The following DNAH8 variants were observed in gnomAD, a reference collection of about 807,000 sequenced individuals.
DNAH8 encodes axonemal beta dynein heavy chain 8.
A neutral mutation model predicts 562.1 loss-of-function variants in DNAH8; 382 were observed. That is an observed-to-expected ratio of 0.68 (90% CI 0.63 to 0.74). The LOEUF (loss-of-function observed/expected upper bound fraction) is 0.74. DNAH8 is among the 30% of genes least tolerant of loss of function. The pLI is 0.00. For missense variants in DNAH8, 5,203 were observed against 5,620.4 expected, an observed-to-expected ratio of 0.93 and a Z score of 2.37; for synonymous variants, 1,881 against 1,919.4, an observed-to-expected ratio of 0.98 and a Z score of 0.52.
In DNAH8 at chr6:38,938,993, A is replaced by AGT; in HGVS notation, c.12007+11_12007+12dup. 1 of 1,611,248 alleles carries AGT rather than the reference A, an allele frequency of 6.2e-7. No homozygotes were observed. The highest frequency in any genetic ancestry group is 8.5e-7 in the Non-Finnish European group (1 of 1,178,186). On this transcript the variant is annotated splice_donor_region_variant and intron_variant, in intron 79 of 92. Coordinates refer to ENST00000327475, the MANE Select transcript of DNAH8 (RefSeq NM_001206927.2). ...AGTTTCAAGCTCTCATTAAAGGTAA[A>AGT]GTGTGTGGGATACAGATGTGGTGTG...
chr6:38,934,096 T>C (rs996761309), intron 76 of DNAH8, among the ~76,000 whole-genome samples: 1 of 152,172 alleles, frequency 6.6e-6, no homozygotes, highest in African/African-American at 2.4e-5. Context: ...CTCACCCCTG[T>C]ATTCCTAGCA....
intron 23 of DNAH8, 63 bp downstream of exon 23, chr6:38,805,659 C>A (rs1771206267): frequency 2.3e-6 from 2 of 884,014 alleles, no homozygotes; most frequent in African/African-American, 1.7e-5. Context: ...TTATAGATAA[C>A]CCCATATGGT....
chr6:38,791,824 T>C lies in DNAH8; in HGVS notation c.2901+150T>C, dbSNP rs1769778035. On this transcript the variant is annotated intron_variant, in intron 21 of 92. Transcript: ENST00000327475. The stretch of plus-strand genomic sequence containing the variant: ...TGAACATTCTCTGCTCCAAGGACTT[T>C]CATGCCTTCAATAGCAAGAGCCCTG... 3.2e-5 allele frequency: 24 copies of C among 746,404 alleles called. No individual in the cohort carries two copies. In the South Asian group the frequency reaches 4.0e-4, roughly 13 times the overall value. 46.2% of individuals were successfully genotyped at this position (746,404 alleles called of 1,614,324 possible).
At chr6:38,820,718 A>G (rs1447666411) in intron 26 of DNAH8, among the ~76,000 whole-genome samples, 2 of 152,196 alleles carry the variant, frequency 1.3e-5, no homozygotes, top group South Asian at 2.1e-4. Context: ...GGTTGGTTTA[A>G]CATCCTAAAA....
intron 44 of DNAH8, 63 bp from the exon 45 acceptor site, chr6:38,863,810 G>T (rs928171858): frequency 2.9e-6 from 4 of 1,365,462 alleles, no homozygotes; most frequent in African/African-American, 1.5e-5. Flanking sequence ...CTGGAGAAAT[G>T]ATTGTTATCA....
At chr6:38,890,906 A>G in intron 58 of DNAH8, 145 bp downstream of exon 58, 1 of 609,030 alleles carries the variant, frequency 1.6e-6, no homozygotes, top group East Asian at 2.8e-5. Flanking sequence ...TAGATTTACA[A>G]CACCTTTTCC....
intron 81 of DNAH8, 135 bp from the exon 82 acceptor site, chr6:38,951,183 C>T: frequency 1.3e-6 from 1 of 744,526 alleles, no homozygotes; most frequent in East Asian, 2.6e-5. Flanking sequence ...CCTTGCCATT[C>T]CTCTTACTTA....
chr6:38,917,973 G>T lies in DNAH8; in HGVS notation c.10357G>T (p.Asp3453Tyr). The change falls in exon 70 of 93, where the codon GAC becomes TAC. Residue 3453 changes from aspartate (D) to tyrosine (Y), a missense_variant. Transcript: ENST00000327475. ...GTGGAGCCTTCAGCAGTTCCCTAAGGACACTATAAATGAAGAGACTGTTGA... is the reference window on the plus strand; with the variant it reads ...GTGGAGCCTTCAGCAGTTCCCTAAGTACACTATAAATGAAGAGACTGTTGA... ...FLWSLQQFPK[D>Y]TINEETVELL... 6.2e-7 allele frequency: 1 copy of T among 1,613,696 alleles called. No individual in the cohort carries two copies. The highest frequency in any genetic ancestry group is 8.5e-7 in the Non-Finnish European group (1 of 1,179,832).
At chr6:39,006,970 C>G (rs1442665094) in intron 88 of DNAH8, among the ~76,000 whole-genome samples, 3 of 152,208 alleles carry the variant, frequency 2.0e-5, no homozygotes, top group Non-Finnish European at 4.4e-5. Context: ...ACTATCCAAA[C>G]AGAAACTCAA....
rs114719419 is a variant in DNAH8, at chr6:38,872,997, G to T, written c.7329G>T (p.Thr2443=). The T allele has an allele frequency of 6.2e-6, 10 of 1,614,022 alleles. No homozygotes were observed. Among genetic ancestry groups the T allele is most frequent in the Non-Finnish European group, 8.5e-6 (10 of 1,180,004 alleles). The change falls in exon 51 of 93, where the codon ACG becomes ACT. Residue 2443 remains threonine, a synonymous_variant. Coordinates refer to ENST00000327475, the MANE Select transcript of DNAH8 (RefSeq NM_001206927.2). ...NSVLDDNKTL[T]LANGDRIPMA... is the part of the protein sequence containing the mutation. ...TTTTGGATGACAATAAAACTCTGAC[G>T]TTAGCTAATGGAGATCGCATTCCCA...
rs754287316 is a variant in DNAH8, at chr6:38,908,001, G to C, written c.9394G>C (p.Gly3132Arg). 9.9e-6 allele frequency: 16 copies of C among 1,611,480 alleles called. No homozygotes were observed. The highest frequency in any genetic ancestry group is 1.4e-5 in the Non-Finnish European group (16 of 1,179,016). ...AGATGAGATGGATGAAATCACCCAA[G>C]GTCTGATTTCAGTGATGAAGAGGGA... ...ARDEMDEITQ[G>R]LISVMKRELP... The change falls in exon 64 of 93, where the codon GGT becomes CGT. Residue 3132 changes from glycine to arginine, a missense_variant. Gly to Arg is a moderately radical substitution (Grantham distance 125). Transcript: ENST00000327475.
At chr6:38,776,344 A>G (rs562426487) in intron 13 of DNAH8, among the ~76,000 whole-genome samples, 19 of 152,036 alleles carry the variant, frequency 1.2e-4, no homozygotes, top group Admixed American at 7.9e-4. Context: ...CAGCCTCCCA[A>G]GTAACTGGGA....
At chr6:38,963,079 T>C (rs917664886) in intron 82 of DNAH8, among the ~76,000 whole-genome samples, 2 of 151,956 alleles carry the variant, frequency 1.3e-5, no homozygotes, top group Non-Finnish European at 2.9e-5. Context: ...ACTAAAAATC[T>C]TATTCATGCA....
chr6:38,728,722 G>A (rs1763426661), intron 3 of DNAH8, among the ~76,000 whole-genome samples: 3 of 152,118 alleles, frequency 2.0e-5, no homozygotes, highest in South Asian at 4.2e-4. Context: ...CCAGGGTGGT[G>A]GTTCTCAAAT....
intron 6 of DNAH8, 102 bp from the exon 7 acceptor site, chr6:38,737,707 T>C: frequency 4.1e-6 from 2 of 491,406 alleles, no homozygotes; most frequent in South Asian, 1.5e-4. Context: ...CACATTGACA[T>C]TAAATACTTC....
chr6:38,806,732 G>A (rs1157252959), intron 23 of DNAH8, among the ~76,000 whole-genome samples: 2 of 151,878 alleles, frequency 1.3e-5, no homozygotes, highest in African/African-American at 4.8e-5. Context: ...AGTGAGCCGA[G>A]ATCGCGCCAC....
chr6:39,015,150 CAA>C (rs1477071548), intron 91 of DNAH8, among the ~76,000 whole-genome samples: 1 of 152,214 alleles, frequency 6.6e-6, no homozygotes, highest in East Asian at 1.9e-4. Flanking sequence ...CAATGATTTT[CAA>C]AAGTGTGAGG....
At chr6:38,769,743 T>C (rs1205942702) in intron 11 of DNAH8, among the ~76,000 whole-genome samples, 2 of 152,216 alleles carry the variant, frequency 1.3e-5, no homozygotes, top group African/African-American at 2.4e-5. Flanking sequence ...GTTTAAGGGT[T>C]CTTATGTGGG....
At chr6:38,722,682 T>C (rs900610565) in intron 1 of DNAH8, 94 bp from the exon 2 acceptor site, 36 of 1,044,682 alleles carry the variant, frequency 3.4e-5, no homozygotes, top group Middle Eastern at 3.0e-4. Context: ...GAGAACTTAA[T>C]GATTTTGCTA....
Sources: allele counts gnomAD v4.1 joint callset (sites outside exome capture counted in the v4.1 genomes callset), GRCh38; gene constraint gnomAD v4.1.1; transcripts MANE v1.5; gene names NCBI Gene and HGNC (gene_info 2026-07-23, HGNC 2026-07-21).